Variants in EXOC3L4 observed in about 807,000 individuals in gnomAD.
The protein encoded by EXOC3L4 is exocyst complex component 3-like protein 4.
In EXOC3L4, 62 loss-of-function variants were observed where a neutral mutation model predicts 69.7. The observed-to-expected ratio is 0.89, with a 90% CI of 0.72 to 1.10. The LOEUF is 1.10. Ranked by LOEUF, EXOC3L4 falls within the 50% of genes least tolerant of loss-of-function variation. EXOC3L4 has a pLI of 0.00. For missense variants in EXOC3L4, 1,087 were observed against 1,034.8 expected (o/e 1.05, Z -0.69); for synonymous variants, 502 against 464.2 (o/e 1.08, Z -1.05).
In EXOC3L4 at chr14:103,110,053, C is replaced by A. The variant is rs760213756; in HGVS notation, c.1999C>A (p.Leu667Met). ...DIRRDHILAI[L>M]ALRRLGRQRN... is the part of the protein sequence containing the mutation. ...CAGGCGGGACCACATACTGGCCATT[C>A]TGGCGCTGCGCCGACTGGGCCGCCA... Residue 667 changes from leucine to methionine, a missense_variant, in exon 12 of 12, where the codon CTG (leucine) becomes ATG (methionine). Physicochemically the swap from Leu to Met is conservative, Grantham distance 15 (BLOSUM62 2). Transcript: ENST00000688303. The A allele has an allele frequency of 6.2e-7, 1 of 1,600,406 alleles. No individual in the cohort carries two copies.
In EXOC3L4 at chr14:103,102,482, T is replaced by C. The variant is rs1042583251; in HGVS notation, c.759T>C (p.Ala253=). The C allele has an allele frequency of 2.9e-5, 40 of 1,396,898 alleles. No homozygotes were observed. Among genetic ancestry groups the C allele is most frequent in the Non-Finnish European group, 3.5e-5 (38 of 1,084,274 alleles). The allele number at this position is 1,396,898 out of a possible 1,614,324, so 86.5% of individuals were successfully genotyped here. Residue 253 remains alanine (A), a synonymous_variant, in exon 3 of 12, where the codon GCT becomes GCC. Transcript: ENST00000688303. ...QHWEEAVRRS[A]QERVRRPGAG... ...GGGAGGAGGCGGTGCGGCGAAGCGCTCAGGAGCGCGTGCGGCGGCCGGGCG... is the reference window on the plus strand; with the variant it reads ...GGGAGGAGGCGGTGCGGCGAAGCGCCCAGGAGCGCGTGCGGCGGCCGGGCG...
At chr14:103,106,600 T>C (rs563922115) in intron 7 of EXOC3L4, among the ~76,000 whole-genome samples, 185 bp from the exon 8 acceptor site, 63 of 152,230 alleles carry the variant, frequency 4.1e-4, no homozygotes, top group African/African-American at 1.5e-3. Flanking sequence ...ACCCACCCCT[T>C]TGTGACTGGC....
At position 103,110,470 on chromosome 14, in the gene EXOC3L4, G is replaced by A. The variant is rs913212099; in HGVS notation, c.*247G>A. 1.1e-5 allele frequency: 7 copies of A among 638,942 alleles called. No homozygotes were observed. Among genetic ancestry groups the A allele is most frequent in the Non-Finnish European group, 2.0e-5 (7 of 350,396 alleles). The allele number at this position is 638,942 out of a possible 1,614,324, so 39.6% of individuals were successfully genotyped here. On this transcript the variant is annotated 3_prime_UTR_variant, in exon 12 of 12. Transcript: ENST00000688303. Reference sequence around the variant, plus strand: ...CTCTCAATGCTGCCTATCGGGCGGGGGGGGGCCTCCCGCCCGACTGTCCAG... The same window carrying A: ...CTCTCAATGCTGCCTATCGGGCGGGAGGGGGCCTCCCGCCCGACTGTCCAG...
Position 103,110,232 on chromosome 14 carries a change from G to A in EXOC3L4, c.*9G>A, listed in dbSNP as rs749043976. ...TGATCACCTGCGTCTAGTTCTCTCT[G>A]GCTCGAGGGGGGGCCGGCCGCTGGC... On this transcript the variant is annotated 3_prime_UTR_variant, in exon 12 of 12. Transcript: ENST00000688303. The A allele has an allele frequency of 1.9e-4, 289 of 1,498,866 alleles. No homozygotes were observed. The highest frequency in any genetic ancestry group is 2.4e-4 in the Non-Finnish European group (275 of 1,123,342). 92.8% of individuals were successfully genotyped at this position (1,498,866 alleles called of 1,614,324 possible). A position where few individuals can be genotyped will look rare whatever the true frequency, so the allele number is the denominator to read the frequency against.
At chr14:103,096,858 G>A (rs8017161) in intron 1 of EXOC3L4, among the ~76,000 whole-genome samples, 58,215 of 152,062 alleles carry the variant, frequency 0.38, 11,620 homozygotes, top group East Asian at 0.61. Context: ...CTGGGAAGGA[G>A]AGCAGCTCGG....
intron 1 of EXOC3L4, among the ~76,000 whole-genome samples, chr14:103,099,307 G>T (rs568862002): frequency 1.3e-5 from 2 of 152,178 alleles, no homozygotes; most frequent in Non-Finnish European, 1.5e-5. Context: ...CTGGAAGGGG[G>T]TGTGGGTGGA....
intron 5 of EXOC3L4, 142 bp downstream of exon 5, chr14:103,104,531 C>T: frequency 2.2e-6 from 3 of 1,350,812 alleles, no homozygotes; most frequent in South Asian, 3.3e-5. Flanking sequence ...GGGGGGAAAT[C>T]GGGGACCCCC....
Position 103,104,982 on chromosome 14 carries a change from C to A in EXOC3L4, c.1386-10C>A. The stretch of plus-strand genomic sequence containing the variant: ...GAGGGTCCCCAAAGGCTCTGTGTAT[C>A]CCGCCCCAGGTTTGAAAAGGCTTTT... On this transcript the variant is annotated splice_polypyrimidine_tract_variant and intron_variant, in intron 6 of 11. Coordinates refer to ENST00000688303, the MANE Select transcript of EXOC3L4 (RefSeq NM_001077594.2). 1 of 1,611,188 alleles carries A rather than the reference C, an allele frequency of 6.2e-7. No individual in the cohort carries two copies. The highest frequency in any genetic ancestry group is 8.5e-7 in the Non-Finnish European group (1 of 1,177,986).
At position 103,105,044 on chromosome 14, in the gene EXOC3L4, G is replaced by A; in HGVS notation, c.1438G>A (p.Ala480Thr). Reference sequence around the variant, plus strand: ...GGCGGTGAGCGAGCCGCACCTGGGCGCCTACATCAACGCCTGCGAGGAGCT... The same window carrying A: ...GGCGGTGAGCGAGCCGCACCTGGGCACCTACATCAACGCCTGCGAGGAGCT... ...SEAVSEPHLG[A>T]YINACEELRT... is the part of the protein sequence containing the mutation. The change falls in exon 7 of 12, where the codon GCC becomes ACC. Residue 480 changes from alanine (A) to threonine (T), a missense_variant. Physicochemically the swap from Ala to Thr is moderately conservative, Grantham distance 58. Coordinates refer to ENST00000688303, the MANE Select transcript of EXOC3L4 (RefSeq NM_001077594.2). The A allele has an allele frequency of 6.2e-7, 1 of 1,612,074 alleles. No individual in the cohort carries two copies. Among genetic ancestry groups the A allele is most frequent in the African/African-American group, 1.3e-5 (1 of 75,028 alleles).
In EXOC3L4 at chr14:103,108,178, A is replaced by T. The variant is rs1890681238; in HGVS notation, c.1855-218A>T. Among the ~76,000 whole-genome samples, 3 of 151,956 alleles carry T rather than the reference A, an allele frequency of 2.0e-5. No individual in the cohort carries two copies. In the South Asian group the frequency reaches 6.2e-4, roughly 32 times the overall value. On this transcript the variant is annotated intron_variant, in intron 10 of 11. Transcript: ENST00000688303. ...TCCTGTCCAAGCAGGATGGGATCGG[A>T]GGGGAGATGAAGGCTGTGTAGCCAG...
Position 103,107,766 on chromosome 14 carries a change from G to A in EXOC3L4, c.1837G>A (p.Asp613Asn), listed in dbSNP as rs1415284531. 6 of 1,532,364 alleles carry A rather than the reference G, an allele frequency of 3.9e-6. No individual in the cohort carries two copies. Among genetic ancestry groups the A allele is most frequent in the Middle Eastern group, 1.7e-4 (1 of 5,884 alleles). 94.9% of individuals were successfully genotyped at this position (1,532,364 alleles called of 1,614,324 possible). A position where few individuals can be genotyped will look rare whatever the true frequency, so the allele number is the denominator to read the frequency against. ...GAGCCTGGATGCCCAGGCCATCAGC[G>A]ACACCTTCCAGGGCCTGGTAGGGGC... Reference protein sequence around the residue: ...KMSLDAQAISDTFQGLGSEAT... With the variant: ...KMSLDAQAISNTFQGLGSEAT... Residue 613 changes from aspartate to asparagine, a missense_variant, in exon 10 of 12, where the codon GAC becomes AAC. Asp to Asn is a conservative substitution (Grantham distance 23). Coordinates refer to ENST00000688303, the MANE Select transcript of EXOC3L4 (RefSeq NM_001077594.2).
chr14:103,103,022 G>C (rs1346204856), intron 3 of EXOC3L4, among the ~76,000 whole-genome samples: 1 of 152,222 alleles, frequency 6.6e-6, no homozygotes, highest in Non-Finnish European at 1.5e-5. Context: ...GTTCCCATGG[G>C]AGCAGGGCCT....
In EXOC3L4 at chr14:103,100,697, GT is replaced by G. The variant is rs1024659065; in HGVS notation, c.394+85del. On this transcript the variant is annotated intron_variant, in intron 2 of 11. Coordinates refer to ENST00000688303, the MANE Select transcript of EXOC3L4 (RefSeq NM_001077594.2). The stretch of plus-strand genomic sequence containing the variant: ...CTCAGCTGAGGTTTCCGGAAAGGCT[GT>G]CCTCCCTAGCTCCCCAAACCCTGCC... The G allele has an allele frequency of 3.4e-6, 5 of 1,454,884 alleles. No individual in the cohort carries two copies. In the African/African-American group the frequency reaches 7.1e-5, roughly 21 times the overall value. The allele number at this position is 1,454,884 out of a possible 1,614,324, so 90.1% of individuals were successfully genotyped here. A position where few individuals can be genotyped will look rare whatever the true frequency, so the allele number is the denominator to read the frequency against.
chr14:103,104,526 G>A (rs1377499159), intron 5 of EXOC3L4, 137 bp downstream of exon 5: 1 of 1,351,360 alleles, frequency 7.4e-7, no homozygotes, highest in Non-Finnish European at 9.6e-7. Flanking sequence ...CACGCGGGGG[G>A]AAATCGGGGA....
chr14:103,096,706 G>A (rs1418541010), intron 1 of EXOC3L4, among the ~76,000 whole-genome samples: 6 of 152,140 alleles, frequency 3.9e-5, no homozygotes, highest in Non-Finnish European at 8.8e-5. Flanking sequence ...ATTCTTAGTC[G>A]GACTAGGAAA....
rs41304367 is a variant in EXOC3L4, at chr14:103,108,548, C to G, written c.1976+31C>G. ...TACCCCACCTGCTTCCACTAGCTTC[C>G]TACCAGAGCTTCAGGGCCAAGGGGG... On this transcript the variant is annotated intron_variant, in intron 11 of 11. Coordinates refer to ENST00000688303, the MANE Select transcript of EXOC3L4 (RefSeq NM_001077594.2). The G allele has an allele frequency of 4.8e-3, 7,765 of 1,605,942 alleles. 26 individuals carry two copies. The highest frequency in any genetic ancestry group is 5.7e-3 in the Non-Finnish European group (6,650 of 1,175,232).
intron 7 of EXOC3L4, among the ~76,000 whole-genome samples, chr14:103,105,608 T>G (rs1043679753): frequency 6.6e-6 from 1 of 152,064 alleles, no homozygotes; most frequent in Admixed American, 6.5e-5. Context: ...GCAGCATTTC[T>G]TCCATCTTGG....
chr14:103,102,983 T>C (rs76657117), intron 3 of EXOC3L4, among the ~76,000 whole-genome samples: 29,848 of 152,156 alleles, frequency 0.2, 3,178 homozygotes, highest in East Asian at 0.36. Context: ...CATACACAGT[T>C]CCAGAATTTG....
intron 7 of EXOC3L4, among the ~76,000 whole-genome samples, chr14:103,105,987 T>TG (rs1399932867): frequency 1.3e-5 from 2 of 152,212 alleles, no homozygotes; most frequent in Non-Finnish European, 2.9e-5. Context: ...ACCTGCTCCC[T>TG]GGGGTGGTGT....
Sources: allele counts gnomAD v4.1 joint callset (sites outside exome capture counted in the v4.1 genomes callset), GRCh38; gene constraint gnomAD v4.1.1; transcripts MANE v1.5; gene names NCBI Gene and HGNC (gene_info 2026-07-23, HGNC 2026-07-21).